The following LRRC20 variants were observed in gnomAD, a reference collection of about 807,000 sequenced individuals.
LRRC20 encodes leucine rich repeat containing 20.
Under a neutral mutation model 14.4 loss-of-function variants are expected in LRRC20, and 11 were observed. The ratio of observed to expected loss-of-function variants is 0.77; its 90% confidence interval spans 0.48 to 1.27. The LOEUF (loss-of-function observed/expected upper bound fraction) is 1.27, where lower values mean the gene tolerates loss of function less well. LRRC20 is among the 50% of genes most tolerant of loss of function. LRRC20 has a pLI of 0.00. For missense variants in LRRC20, 219 were observed against 251.2 expected (o/e 0.87, Z 0.87); for synonymous variants, 121 against 107.3 (o/e 1.13, Z -0.79).
At chr10:70,375,436 A>G (rs1300347518) in intron 2 of LRRC20, among the ~76,000 whole-genome samples, 1 of 151,080 alleles carries the variant, frequency 6.6e-6, no homozygotes, top group Non-Finnish European at 1.5e-5. Context: ...GGCAGTGATC[A>G]AGCTCATCCT....
chr10:70,304,180 T>C (rs1841317397), intron 4 of LRRC20, among the ~76,000 whole-genome samples: 1 of 151,954 alleles, frequency 6.6e-6, no homozygotes, highest in Admixed American at 6.6e-5. Context: ...TCTGGCTGCA[T>C]CCGCTCTTCC....
chr10:70,346,017 T>G (rs11818371), intron 2 of LRRC20, among the ~76,000 whole-genome samples: 8,798 of 152,110 alleles, frequency 0.058, 863 homozygotes, highest in African/African-American at 0.2. Context: ...TCCCATCATT[T>G]TGAGGGGCCG....
intron 4 of LRRC20, among the ~76,000 whole-genome samples, chr10:70,314,867 T>C (rs1458608395): frequency 6.6e-6 from 1 of 152,062 alleles, no homozygotes; most frequent in East Asian, 1.9e-4. Context: ...TACAAAGAGG[T>C]TTCCTTCCAA....
rs1841143623 is a variant in LRRC20, at chr10:70,300,758, T to G, written c.*596A>C. 4.1e-6 allele frequency: 4 copies of G among 985,700 alleles called. No homozygotes were observed. Among genetic ancestry groups the G allele is most frequent in the Non-Finnish European group, 3.6e-6 (3 of 830,182 alleles). The allele number at this position is 985,700 out of a possible 1,614,324, so 61.1% of individuals were successfully genotyped here. A position where few individuals can be genotyped will look rare whatever the true frequency, so the allele number is the denominator to read the frequency against. ...TGCCCTGCAGCAGTGCCAGCCCATA[T>G]TCCCACCACAGCTCTCCCAGGACTC... On this transcript the variant is annotated 3_prime_UTR_variant, in exon 5 of 5. Coordinates refer to ENST00000446961, the MANE Select transcript of LRRC20 (RefSeq NM_001278212.2).
chr10:70,364,013 G>A (rs1843867035), intron 2 of LRRC20, among the ~76,000 whole-genome samples: 1 of 152,232 alleles, frequency 6.6e-6, no homozygotes, highest in Admixed American at 6.5e-5. Flanking sequence ...AGCCAAGGAT[G>A]GCAGATCTGA....
chr10:70,318,081 G>A (rs531540460), intron 4 of LRRC20, among the ~76,000 whole-genome samples: 2 of 152,220 alleles, frequency 1.3e-5, no homozygotes, highest in Admixed American at 6.5e-5. Context: ...GACTCAGGAG[G>A]TATGAAGTGA....
intron 2 of LRRC20, 140 bp downstream of exon 2, chr10:70,376,312 T>C: frequency 1.2e-6 from 1 of 834,280 alleles, no homozygotes; most frequent in South Asian, 1.6e-5. Flanking sequence ...TTACACACTG[T>C]TGCAATGAAA....
intron 3 of LRRC20, among the ~76,000 whole-genome samples, chr10:70,324,980 C>T (rs1023622639): frequency 1.4e-4 from 21 of 152,178 alleles, no homozygotes; most frequent in African/African-American, 5.1e-4. Flanking sequence ...AGTCTGTGAA[C>T]ACAGGTGAAG....
chr10:70,342,038 C>T lies in LRRC20; in HGVS notation c.83-1336G>A, dbSNP rs1299948770. Among the ~76,000 whole-genome samples, 5 of 152,042 alleles carry T rather than the reference C, an allele frequency of 3.3e-5. No individual in the cohort carries two copies. In the East Asian group the frequency reaches 9.7e-4, roughly 29 times the overall value. On this transcript the variant is annotated intron_variant, in intron 2 of 4. Coordinates refer to ENST00000446961, the MANE Select transcript of LRRC20 (RefSeq NM_001278212.2). ...ATTGGGCGGGGCGCAGTGGCTCACGCCTGCAATCCCAGCACTTTGGGAGGC... is the reference window on the plus strand; with the variant it reads ...ATTGGGCGGGGCGCAGTGGCTCACGTCTGCAATCCCAGCACTTTGGGAGGC...
intron 4 of LRRC20, among the ~76,000 whole-genome samples, chr10:70,323,426 C>T (rs1396383493): frequency 6.6e-6 from 1 of 152,100 alleles, no homozygotes; most frequent in Non-Finnish European, 1.5e-5. Flanking sequence ...TTCTGGAAGG[C>T]ATAGAGAGGC....
At chr10:70,361,440 T>C (rs892387027) in intron 2 of LRRC20, among the ~76,000 whole-genome samples, 5 of 152,072 alleles carry the variant, frequency 3.3e-5, no homozygotes, top group Non-Finnish European at 7.3e-5. Context: ...AACGGTATAA[T>C]GGGAGAGCAG....
intron 2 of LRRC20, among the ~76,000 whole-genome samples, chr10:70,345,008 G>A (rs1035255298): frequency 2.0e-5 from 3 of 151,912 alleles, no homozygotes; most frequent in African/African-American, 7.3e-5. Context: ...ATCCTCACAA[G>A]GTTTTTTATT....
chr10:70,335,275 C>T (rs1012124281), intron 3 of LRRC20, among the ~76,000 whole-genome samples: 1 of 152,214 alleles, frequency 6.6e-6, no homozygotes, highest in Non-Finnish European at 1.5e-5. Flanking sequence ...CTCACAAGCC[C>T]TCTGGGGCCC....
intron 3 of LRRC20, among the ~76,000 whole-genome samples, chr10:70,339,285 T>G (rs1335398330): frequency 6.6e-6 from 1 of 152,222 alleles, no homozygotes; most frequent in Non-Finnish European, 1.5e-5. Context: ...ATGCTGGTCG[T>G]CTTTGTACCA....
chr10:70,304,101 T>C (rs1841313245), intron 4 of LRRC20, among the ~76,000 whole-genome samples: 1 of 152,164 alleles, frequency 6.6e-6, no homozygotes, highest in South Asian at 2.1e-4. Flanking sequence ...TCCTCCCACC[T>C]AACCTTTAGG....
At chr10:70,367,230 T>C (rs960763288) in intron 2 of LRRC20, among the ~76,000 whole-genome samples, 6 of 141,878 alleles carry the variant, frequency 4.2e-5, no homozygotes, top group African/African-American at 1.6e-4. Context: ...GAGGCTGAGG[T>C]GGGAGGACGC....
At chr10:70,339,261 G>C (rs71480651) in intron 3 of LRRC20, among the ~76,000 whole-genome samples, 29,870 of 152,196 alleles carry the variant, frequency 0.2, 3,416 homozygotes, top group Non-Finnish European at 0.24. Context: ...AAAGTCTCAA[G>C]GGCACTGCTA....
chr10:70,305,218 ACC>A (rs1253261484), intron 4 of LRRC20, among the ~76,000 whole-genome samples: 1 of 152,214 alleles, frequency 6.6e-6, no homozygotes, highest in Non-Finnish European at 1.5e-5. Context: ...GAAACTTCAG[ACC>A]CATGTCATAA....
chr10:70,351,842 C>G (rs1242084241), intron 2 of LRRC20, among the ~76,000 whole-genome samples: 3 of 152,112 alleles, frequency 2.0e-5, no homozygotes, highest in Admixed American at 6.6e-5. Flanking sequence ...GTCAACTTTA[C>G]AGTTTCTGCA....
Sources: allele counts gnomAD v4.1 joint callset (sites outside exome capture counted in the v4.1 genomes callset), GRCh38; gene constraint gnomAD v4.1.1; transcripts MANE v1.5; gene names NCBI Gene and HGNC (gene_info 2026-07-23, HGNC 2026-07-21).